MICU2: variants seen among roughly 807,000 people sequenced by gnomAD.
MICU2 encodes calcium uptake protein 2, mitochondrial.
MICU2 carries 64 observed loss-of-function variants against 60.4 expected under a neutral mutation model. The observed-to-expected ratio is 1.06, with a 90% CI of 0.87 to 1.31. The LOEUF is 1.31. Ranked by LOEUF, MICU2 falls within the 50% of genes most tolerant of loss-of-function variation. The pLI is 0.00. For synonymous variants in MICU2, 201 were observed against 175.0 expected (o/e 1.15, Z -1.17); for missense variants, 569 against 531.0 (o/e 1.07, Z -0.70).
chr13:21,603,751 T>C (rs971365051), intron 1 of MICU2, 188 bp downstream of exon 1: 3 of 633,882 alleles, frequency 4.7e-6, no homozygotes, highest in Non-Finnish European at 8.1e-6. Flanking sequence ...TCGAAGGCCC[T>C]CGGGGACTCA....
chr13:21,513,761 A>AAAAAAAAAAAT, intron 7 of MICU2, among the ~76,000 whole-genome samples: 1 of 150,540 alleles, frequency 6.6e-6, no homozygotes, highest in Admixed American at 6.6e-5. Context: ...AAAAAAAAAA[A>AAAAAAAAAAAT]AAAGACAACT....
At chr13:21,549,581 G>A (rs186557288) in intron 2 of MICU2, among the ~76,000 whole-genome samples, 10 of 152,014 alleles carry the variant, frequency 6.6e-5, no homozygotes, top group Admixed American at 1.3e-4. Context: ...TTGGCTGTCT[G>A]GGTTGGCTGT....
chr13:21,503,959 TCA>T (rs1886237856), intron 8 of MICU2, among the ~76,000 whole-genome samples: 1 of 152,058 alleles, frequency 6.6e-6, no homozygotes, highest in South Asian at 2.1e-4. Flanking sequence ...GGGAGAAAAA[TCA>T]TCACTTAAAA....
At chr13:21,563,469 A>AT (rs753634940) in intron 2 of MICU2, among the ~76,000 whole-genome samples, 38 of 151,292 alleles carry the variant, frequency 2.5e-4, no homozygotes, top group South Asian at 1.3e-3. Context: ...AAAAAAAAAA[A>AT]TTCTGCAGTT....
intron 1 of MICU2, among the ~76,000 whole-genome samples, chr13:21,575,764 G>A (rs1888213775): frequency 7.0e-6 from 1 of 142,976 alleles, no homozygotes; most frequent in Non-Finnish European, 1.5e-5. Flanking sequence ...AAAGGCTAGA[G>A]CCTTAATTTA....
intron 1 of MICU2, among the ~76,000 whole-genome samples, chr13:21,601,160 A>T (rs1431962717): frequency 6.6e-6 from 1 of 152,234 alleles, no homozygotes; most frequent in African/African-American, 2.4e-5. Context: ...ATACCAATGT[A>T]ACTATATTAA....
chr13:21,509,365 C>T (rs1346589748), intron 8 of MICU2, among the ~76,000 whole-genome samples: 1 of 152,186 alleles, frequency 6.6e-6, no homozygotes, highest in Non-Finnish European at 1.5e-5. Context: ...ATGTCCATGT[C>T]TATTTGTTAA....
At chr13:21,553,880 T>C (rs1462709109) in intron 2 of MICU2, among the ~76,000 whole-genome samples, 2 of 152,090 alleles carry the variant, frequency 1.3e-5, no homozygotes, top group East Asian at 1.9e-4. Flanking sequence ...GGGGTTGCAA[T>C]CCTAGTCTCT....
chr13:21,500,959 CT>C (rs1191156338), intron 9 of MICU2, among the ~76,000 whole-genome samples: 3 of 152,040 alleles, frequency 2.0e-5, no homozygotes, highest in African/African-American at 7.2e-5. Flanking sequence ...ATGTTTTCTT[CT>C]ACACTTACTC....
chr13:21,522,695 T>C (rs2138167637), intron 4 of MICU2, 45 bp from the exon 5 acceptor site: 1 of 1,392,472 alleles, frequency 7.2e-7, no homozygotes, highest in East Asian at 2.3e-5. Flanking sequence ...TTAGATGGTT[T>C]AGAATATATA....
At chr13:21,565,473 C>T (rs1265133801) in intron 2 of MICU2, among the ~76,000 whole-genome samples, 5 of 152,098 alleles carry the variant, frequency 3.3e-5, no homozygotes, top group Admixed American at 6.5e-5. Flanking sequence ...CTGGCAAACA[C>T]AGTGAAACAC....
chr13:21,600,330 C>T (rs765234620), intron 1 of MICU2, among the ~76,000 whole-genome samples: 7 of 152,204 alleles, frequency 4.6e-5, no homozygotes, highest in African/African-American at 7.2e-5. Context: ...AAAACTCTTC[C>T]CCTTCTCTTT....
intron 2 of MICU2, among the ~76,000 whole-genome samples, chr13:21,550,771 T>C (rs1593339808): frequency 7.2e-6 from 1 of 138,374 alleles, no homozygotes; most frequent in African/African-American, 2.4e-5. Context: ...TTACTTGTAT[T>C]ATTGAATCTT....
Position 21,603,946 on chromosome 13 carries a change from G to T in MICU2, c.203C>A (p.Ser68Tyr), listed in dbSNP as rs374060258. The T allele has an allele frequency of 6.2e-7, 1 of 1,612,476 alleles. No homozygotes were observed. The highest frequency in any genetic ancestry group is 1.3e-5 in the African/African-American group (1 of 74,822). ...AAGGAGTTAGTCCTGTACCTGTGCG[G>T]AGACTGTAAAACTGCCATCCCGCGC... ...VAARDGSFTV[S>Y]AQKNVEHGII... is the part of the protein sequence containing the mutation. Residue 68 changes from serine to tyrosine, a missense_variant, in exon 1 of 12, where the codon TCC (serine) becomes TAC (tyrosine). Transcript: ENST00000382374.
At chr13:21,573,272 ATTTTTTTGTTT>A (rs1307473390) in intron 1 of MICU2, among the ~76,000 whole-genome samples, 11 of 150,396 alleles carry the variant, frequency 7.3e-5, no homozygotes, top group African/African-American at 2.5e-4. Flanking sequence ...GTTAACATAC[ATTTTTTTGTTT>A]TTTTTTTTGA....
rs762908813 is a variant in MICU2, at chr13:21,493,345, T to G, written c.1209A>C (p.Gln403His). 1 of 1,601,888 alleles carries G rather than the reference T, an allele frequency of 6.2e-7. No individual in the cohort carries two copies. Residue 403 changes from glutamine (Q) to histidine (H), a missense_variant, in exon 12 of 12, where the codon CAA becomes CAC. Transcript: ENST00000382374. ...NRMHRGLWVPQHQSIQEYWKC... is the reference protein window; with the variant it reads ...NRMHRGLWVPHHQSIQEYWKC... Reference sequence around the variant, plus strand: ...TCCAGTATTCTTGTATACTCTGATGTTGTGGTACCTGTTAACCGAAAGTAA... The same window carrying G: ...TCCAGTATTCTTGTATACTCTGATGGTGTGGTACCTGTTAACCGAAAGTAA...
At chr13:21,535,046 G>C (rs560794075) in intron 4 of MICU2, among the ~76,000 whole-genome samples, 1 of 151,992 alleles carries the variant, frequency 6.6e-6, no homozygotes, top group African/African-American at 2.4e-5. Flanking sequence ...TCAGAAGCAC[G>C]GTATGCTTCT....
chr13:21,603,893 G>A (rs764999716), intron 1 of MICU2, 46 bp downstream of exon 1: 19 of 1,598,568 alleles, frequency 1.2e-5, no homozygotes, highest in Non-Finnish European at 1.5e-5. Context: ...GGCGTCAGGG[G>A]AGGGAGGAGC....
intron 2 of MICU2, among the ~76,000 whole-genome samples, chr13:21,564,520 C>T (rs1047030291): frequency 6.6e-6 from 1 of 152,146 alleles, no homozygotes; most frequent in African/African-American, 2.4e-5. Context: ...GTCCTATGAT[C>T]AGCTGTCAGT....
Sources: gnomAD v4.1 joint callset for allele counts (sites outside exome capture counted in the v4.1 genomes callset) on GRCh38, gnomAD v4.1.1 for gene constraint, MANE v1.5 for transcripts, NCBI Gene and HGNC (gene_info 2026-07-23, HGNC 2026-07-21) for gene names.